Variants in HAO1 observed in about 807,000 individuals in gnomAD.
The protein encoded by HAO1 is hydroxyacid oxidase 1.
Under a neutral mutation model 39.7 loss-of-function variants are expected in HAO1, and 34 were observed. The observed-to-expected ratio is 0.86, with a 90% confidence interval of 0.65 to 1.14. HAO1 has a LOEUF of 1.14. Among genes scored for constraint, HAO1 ranks in the 50% most tolerant of loss-of-function variants. HAO1 has a pLI of 0.00. For synonymous variants in HAO1, 172 were observed against 173.2 expected (o/e 0.99, Z 0.05); for missense variants, 479 against 464.5 (o/e 1.03, Z -0.29).
chr20:7,924,194 GTGTTGT>G (rs3835201), intron 2 of HAO1, among the ~76,000 whole-genome samples: 43 of 148,720 alleles, frequency 2.9e-4, no homozygotes, highest in East Asian at 1.4e-3. Context: ...AGTTTGGGTT[GTGTTGT>G]TGTTGTTGTT....
At chr20:7,899,049 C>A (rs1388061195) in intron 4 of HAO1, among the ~76,000 whole-genome samples, 1 of 151,996 alleles carries the variant, frequency 6.6e-6, no homozygotes, top group African/African-American at 2.4e-5. Flanking sequence ...CCTGTGTCTG[C>A]CACCATGTAG....
At chr20:7,923,920 C>A (rs545750212) in intron 2 of HAO1, among the ~76,000 whole-genome samples, 1 of 152,078 alleles carries the variant, frequency 6.6e-6, no homozygotes. Context: ...AAAGTTGGGG[C>A]TCATTGAAAA....
chr20:7,936,482 G>A lies in HAO1; in HGVS notation c.138-1847C>T, dbSNP rs74605368. 2.2e-3 allele frequency among the ~76,000 whole-genome samples: 314 copies of A among 144,790 alleles called. 1 individual carries two copies. Among genetic ancestry groups the A allele is most frequent in the African/African-American group, 7.9e-3 (309 of 38,992 alleles). The allele number at this position is 144,790 out of a possible 152,430, so 95.0% of individuals were successfully genotyped here. A position where few individuals can be genotyped will look rare whatever the true frequency, so the allele number is the denominator to read the frequency against. ...AATGAAAGCTTTATGACAAGAACAA[G>A]CAAATCTGCAGGGCAGCAGCCGTGT... On this transcript the variant is annotated intron_variant, in intron 1 of 7. Coordinates refer to ENST00000378789, the MANE Select transcript of HAO1 (RefSeq NM_017545.3).
chr20:7,912,912 C>G lies in HAO1; in HGVS notation c.545+1252G>C, dbSNP rs1349218805. On this transcript the variant is annotated intron_variant, in intron 3 of 7. Transcript: ENST00000378789. ...AGCTAATTCACACATGGCTCAACAG[C>G]AAGATTTTATGCACAGTAGTTTATT... is the stretch of plus-strand genomic sequence containing the variant. 2.6e-5 allele frequency among the ~76,000 whole-genome samples: 4 copies of G among 152,138 alleles called. No homozygotes were observed. The East Asian group carries it at 7.7e-4, about 29-fold the overall frequency.
intron 4 of HAO1, among the ~76,000 whole-genome samples, chr20:7,899,097 A>G (rs776494665): frequency 6.6e-6 from 1 of 152,138 alleles, no homozygotes; most frequent in Non-Finnish European, 1.5e-5. Flanking sequence ...TATTATCAAT[A>G]AACAGATCCT....
intron 3 of HAO1, among the ~76,000 whole-genome samples, chr20:7,913,203 A>C (rs2050288814): frequency 6.7e-6 from 1 of 149,178 alleles, no homozygotes; most frequent in Admixed American, 6.7e-5. Flanking sequence ...CAATTCAAAC[A>C]TAGAGTAAGC....
rs1035296117 is a variant in HAO1 at position 7,890,538 on chromosome 20, T to C, written c.813+4595A>G. Among the ~76,000 whole-genome samples, 200 of 152,256 alleles carry C rather than the reference T, an allele frequency of 1.3e-3. 4 individuals carry two copies. The highest frequency in any genetic ancestry group is 1.0e-4 in the Non-Finnish European group (7 of 68,014). On this transcript the variant is annotated intron_variant, in intron 5 of 7. Coordinates refer to ENST00000378789, the MANE Select transcript of HAO1 (RefSeq NM_017545.3). Reference sequence around the variant, plus strand: ...TGGTTATTGTCTTTTGTTTGTTTTTTAATTTTAAATTTTTATTTTATTTTC... The same window carrying C: ...TGGTTATTGTCTTTTGTTTGTTTTTCAATTTTAAATTTTTATTTTATTTTC...
chr20:7,885,542 G>A lies in HAO1; in HGVS notation c.1021C>T (p.Arg341Trp), dbSNP rs573481520. The change falls in exon 7 of 8, where the codon CGG becomes TGG. Residue 341 changes from arginine to tryptophan, a missense_variant. Coordinates refer to ENST00000378789, the MANE Select transcript of HAO1 (RefSeq NM_017545.3). ...TTACCACTCAGAGCCATGGCCAACC[G>A]GAATTCTTCCTTTAGTATCTCGAGG... The part of the protein sequence containing the change: ...DVLEILKEEF[R>W]LAMALSGCQN... 23 of 1,610,960 alleles carry A rather than the reference G, an allele frequency of 1.4e-5. No individual in the cohort carries two copies. The highest frequency in any genetic ancestry group is 1.8e-5 in the Non-Finnish European group (21 of 1,177,390).
chr20:7,885,364 G>T, intron 7 of HAO1, 157 bp downstream of exon 7: 2 of 624,786 alleles, frequency 3.2e-6, no homozygotes, highest in Middle Eastern at 3.5e-4. Context: ...GACTGCACAT[G>T]CAGAGTTCCT....
At chr20:7,922,021 G>A (rs1043034864) in intron 2 of HAO1, among the ~76,000 whole-genome samples, 2 of 152,002 alleles carry the variant, frequency 1.3e-5, no homozygotes, top group Non-Finnish European at 2.9e-5. Flanking sequence ...CACTACCTAG[G>A]TGATGGATTC....
Position 7,907,724 on chromosome 20 carries a change from T to G in HAO1, c.546-1395A>C, listed in dbSNP as rs1199685198. Among the ~76,000 whole-genome samples, 14 of 152,274 alleles carry G rather than the reference T, an allele frequency of 9.2e-5. 2 individuals carry two copies. Among genetic ancestry groups the G allele is most frequent in the Non-Finnish European group, 8.8e-5 (6 of 68,014 alleles). On this transcript the variant is annotated intron_variant, in intron 3 of 7. Transcript: ENST00000378789. The stretch of plus-strand genomic sequence containing the variant: ...CTGGCTTCCCCTGTGCCTGAGGTCT[T>G]TTCTCTTGGCCTAATATCCTGGCTA...
intron 2 of HAO1, among the ~76,000 whole-genome samples, chr20:7,930,644 G>T (rs2050381508): frequency 1.3e-5 from 2 of 152,092 alleles, no homozygotes; most frequent in African/African-American, 4.8e-5. Flanking sequence ...AACCTCAGGG[G>T]GCAACTGGGA....
intron 3 of HAO1, among the ~76,000 whole-genome samples, chr20:7,912,036 G>A (rs1028714749): frequency 6.6e-6 from 1 of 152,296 alleles, no homozygotes; most frequent in South Asian, 2.1e-4. Flanking sequence ...GCACTCTGAG[G>A]GGCTGGGGTA....
Position 7,914,273 on chromosome 20 carries a change from G to A in HAO1, c.436C>T (p.Gln146Ter), listed in dbSNP as rs2050295548. The change falls in exon 3 of 8, where the codon CAG becomes TAG. Residue 146 changes from glutamine (Q) to a stop codon, truncating the protein, a stop_gained. Coordinates refer to ENST00000378789, the MANE Select transcript of HAO1 (RefSeq NM_017545.3). LOFTEE classifies it high-confidence loss of function. ...DREVTKKLVR[Q>*]AEKMGYKAIF... ...GCCTTGTAGCCCATCTTCTCTGCCT[G>A]CCGCACTAGCTTCTTGGTGACTTCT... The A allele has an allele frequency of 6.2e-7, 1 of 1,613,906 alleles. No individual in the cohort carries two copies. The highest frequency in any genetic ancestry group is 1.1e-5 in the South Asian group (1 of 91,074).
chr20:7,930,427 T>C (rs1374624540), intron 2 of HAO1, among the ~76,000 whole-genome samples: 1 of 152,220 alleles, frequency 6.6e-6, no homozygotes, highest in African/African-American at 2.4e-5. Flanking sequence ...TGAATATTCT[T>C]ACACTGTTAC....
intron 2 of HAO1, among the ~76,000 whole-genome samples, chr20:7,933,002 C>A (rs989297178): frequency 6.6e-6 from 1 of 152,030 alleles, no homozygotes; most frequent in Non-Finnish European, 1.5e-5. Flanking sequence ...AATCATACTG[C>A]CTGATCTTAA....
At chr20:7,908,400 A>T (rs907588123) in intron 3 of HAO1, among the ~76,000 whole-genome samples, 4 of 151,670 alleles carry the variant, frequency 2.6e-5, no homozygotes, top group Admixed American at 6.5e-5. Flanking sequence ...AAATAAAAAA[A>T]AAAAAAAAAT....
At chr20:7,933,185 A>G (rs1313319600) in intron 2 of HAO1, among the ~76,000 whole-genome samples, 2 of 152,018 alleles carry the variant, frequency 1.3e-5, no homozygotes, top group Non-Finnish European at 2.9e-5. Context: ...TTTGAGCAAT[A>G]TATTATTTTC....
intron 2 of HAO1, among the ~76,000 whole-genome samples, chr20:7,923,595 G>C (rs2050344576): frequency 6.6e-6 from 1 of 152,090 alleles, no homozygotes; most frequent in Non-Finnish European, 1.5e-5. Flanking sequence ...CTTCAGAAGG[G>C]AACAATATCC....
Sources: allele counts gnomAD v4.1 joint callset (sites outside exome capture counted in the v4.1 genomes callset), GRCh38; gene constraint gnomAD v4.1.1; transcripts MANE v1.5; gene names NCBI Gene and HGNC (gene_info 2026-07-23, HGNC 2026-07-21).